Variants in DCAF8L2 observed in about 807,000 individuals in gnomAD.
DCAF8L2 encodes DDB1 and CUL4 associated factor 8 like 2.
For synonymous variants in DCAF8L2, 200 were observed against 190.9 expected (o/e 1.05, Z -0.39); for missense variants, 430 against 490.7 (o/e 0.88, Z 1.17).
the DCAF8L2 span, among the ~76,000 whole-genome samples, chrX:27,546,529 C>A: frequency 8.9e-6 from 1 of 112,334 alleles, no homozygotes; most frequent in African/African-American, 3.2e-5. Flanking sequence ...GCTGCCCCAG[C>A]AGAAGTTCTC....
At chrX:27,603,628 T>TA (rs1926748329) in intron 1 of DCAF8L2, among the ~76,000 whole-genome samples, 1 of 112,095 alleles carries the variant, frequency 8.9e-6, no homozygotes, top group Non-Finnish European at 1.9e-5. Context: ...CAAGAACTGA[T>TA]ATAACAAACC....
chrX:27,651,118 A>G, intron 2 of DCAF8L2, among the ~76,000 whole-genome samples: 1 of 112,101 alleles, frequency 8.9e-6, no homozygotes, highest in Non-Finnish European at 1.9e-5. Flanking sequence ...CATATGTCGA[A>G]CCAAACTTGC....
At chrX:27,665,114 C>T (rs912208809) in intron 2 of DCAF8L2, among the ~76,000 whole-genome samples, 1 of 110,692 alleles carries the variant, frequency 9.0e-6, no homozygotes, top group Non-Finnish European at 1.9e-5. Context: ...AATTATTCCT[C>T]TGATAAATCT....
intron 1 of DCAF8L2, among the ~76,000 whole-genome samples, chrX:27,627,025 T>G: frequency 9.2e-6 from 1 of 108,355 alleles, no homozygotes; most frequent in Non-Finnish European, 1.9e-5. Context: ...AAGAATTGAT[T>G]TCTAATTCTA....
At chrX:27,585,361 A>G (rs1309657589), upstream of DCAF8L2, among the ~76,000 whole-genome samples, 1 of 112,007 alleles carries the variant, frequency 8.9e-6, no homozygotes, top group Non-Finnish European at 1.9e-5. Context: ...ACTGTCTACT[A>G]CACCACTGCA....
chrX:27,663,279 T>C (rs981861782), intron 2 of DCAF8L2, among the ~76,000 whole-genome samples: 2 of 112,306 alleles, frequency 1.8e-5, no homozygotes, highest in Non-Finnish European at 3.8e-5. Context: ...AGTGCTTTGC[T>C]TTATTGCACT....
At chrX:27,731,670 G>A (rs1167454198) in intron 4 of DCAF8L2, among the ~76,000 whole-genome samples, 1 of 111,308 alleles carries the variant, frequency 9.0e-6, no homozygotes, top group East Asian at 2.8e-4. Flanking sequence ...TTAGGGCATA[G>A]GGATTCAACA....
At chrX:27,640,816 G>A (rs7891887) in intron 2 of DCAF8L2, among the ~76,000 whole-genome samples, 21,762 of 110,638 alleles carry the variant, frequency 0.2, 1,855 homozygotes, top group East Asian at 0.44. Flanking sequence ...AAAATAAAAA[G>A]TGTAGGAGTA....
chrX:27,739,596 T>A (rs983948000), intron 4 of DCAF8L2, among the ~76,000 whole-genome samples: 27 of 111,835 alleles, frequency 2.4e-4, no homozygotes, highest in African/African-American at 8.1e-4. Flanking sequence ...ACTTCTAAAT[T>A]TATATCTATA....
chrX:27,470,340 T>C, the DCAF8L2 span, among the ~76,000 whole-genome samples: 187 of 111,898 alleles, frequency 1.7e-3, no homozygotes, highest in Non-Finnish European at 3.0e-3. Flanking sequence ...TGAAATTGCA[T>C]TGTAGAAAAC....
the DCAF8L2 span, among the ~76,000 whole-genome samples, chrX:27,585,208 C>T: frequency 3.6e-5 from 4 of 111,017 alleles, no homozygotes; most frequent in African/African-American, 9.8e-5. Flanking sequence ...CTCATAATAG[C>T]CCCCCATAAT....
chrX:27,704,061 G>GTATA (rs34734812), intron 3 of DCAF8L2, among the ~76,000 whole-genome samples: 96 of 99,130 alleles, frequency 9.7e-4, no homozygotes, highest in African/African-American at 2.9e-3. Context: ...CATTGTGTGT[G>GTATA]TATATATATA....
chrX:27,531,371 C>G, the DCAF8L2 span, among the ~76,000 whole-genome samples: 2 of 111,433 alleles, frequency 1.8e-5, no homozygotes, highest in Non-Finnish European at 3.8e-5. Context: ...ATTCAATTAC[C>G]CGCCTTGGGT....
chrX:27,683,502 G>A (rs1314405322), intron 3 of DCAF8L2, among the ~76,000 whole-genome samples: 1 of 112,145 alleles, frequency 8.9e-6, no homozygotes, highest in Non-Finnish European at 1.9e-5. Flanking sequence ...TCTGATAGTC[G>A]CTGTATTAGC....
Position 27,749,318 on chromosome X carries a change from A to T in DCAF8L2, c.*527A>T, listed in dbSNP as rs16987980. ...TCTGTCGATACTGACACTTGGCCGCACACACACAGTCTCAGAAAAGGAAAA... is the reference window on the plus strand; with the variant it reads ...TCTGTCGATACTGACACTTGGCCGCTCACACACAGTCTCAGAAAAGGAAAA... On this transcript the variant is annotated 3_prime_UTR_variant, in exon 5 of 5. Coordinates refer to ENST00000451261, the MANE Select transcript of DCAF8L2 (RefSeq NM_001353450.2). Among the ~76,000 whole-genome samples the T allele has an allele frequency of 8.4e-3, 935 of 111,886 alleles. 8 individuals are homozygous for T. The highest frequency in any genetic ancestry group is 0.028 in the African/African-American group (875 of 30,814).
chrX:27,655,431 T>C (rs1435976209), intron 2 of DCAF8L2, among the ~76,000 whole-genome samples: 5 of 112,284 alleles, frequency 4.5e-5, no homozygotes, highest in African/African-American at 1.6e-4. Flanking sequence ...AAAAAGCTCT[T>C]GCTCATTTGC....
At chrX:27,636,057 C>T (rs991446224) in intron 2 of DCAF8L2, among the ~76,000 whole-genome samples, 12 of 111,183 alleles carry the variant, frequency 1.1e-4, no homozygotes, top group African/African-American at 3.9e-4. Flanking sequence ...AGATGATCTG[C>T]CCGCCAACCG....
intron 4 of DCAF8L2, among the ~76,000 whole-genome samples, chrX:27,729,736 C>A (rs1458874941): frequency 5.4e-5 from 6 of 111,821 alleles, no homozygotes; most frequent in African/African-American, 9.8e-5. Flanking sequence ...TCTACTCTTA[C>A]AATCTAATCA....
At chrX:27,635,271 A>G (rs1235863157) in intron 2 of DCAF8L2, among the ~76,000 whole-genome samples, 1 of 111,610 alleles carries the variant, frequency 9.0e-6, no homozygotes, top group South Asian at 3.8e-4. Context: ...TTAATAGTCA[A>G]TAGGGCAAAA....
Sources: gnomAD v4.1 joint callset for allele counts (sites outside exome capture counted in the v4.1 genomes callset) on GRCh38, gnomAD v4.1.1 for gene constraint, MANE v1.5 for transcripts, NCBI Gene and HGNC (gene_info 2026-07-23, HGNC 2026-07-21) for gene names.